The following ATG10 variants were observed in gnomAD, a reference collection of about 807,000 sequenced individuals.
ATG10 encodes the protein ubiquitin-like-conjugating enzyme ATG10.
Under a neutral mutation model 32.1 loss-of-function variants are expected in ATG10, and 30 were observed. The ratio of observed to expected loss-of-function variants is 0.94; its 90% CI spans 0.70 to 1.27. ATG10 has a LOEUF of 1.27. Among genes scored for constraint, ATG10 ranks in the 50% most tolerant of loss-of-function variants. The pLI, the probability that ATG10 is intolerant of heterozygous loss-of-function variation, is 0.00. For synonymous variants in ATG10, 87 were observed against 91.5 expected (o/e 0.95, Z 0.28); for missense variants, 233 against 262.3 (o/e 0.89, Z 0.77).
intron 3 of ATG10, among the ~76,000 whole-genome samples, chr5:82,090,456 A>G (rs538838088): frequency 1.3e-5 from 2 of 152,350 alleles, no homozygotes; most frequent in East Asian, 3.9e-4. Flanking sequence ...TCATACTGCA[A>G]TTTGAATCAA....
intron 2 of ATG10, among the ~76,000 whole-genome samples, chr5:82,053,668 A>G (rs529145001): frequency 2.0e-5 from 3 of 152,248 alleles, no homozygotes; most frequent in East Asian, 1.9e-4. Flanking sequence ...TATTCTCTTT[A>G]TAATGAAAGT....
At chr5:81,993,364 T>C (rs1046686806) in intron 2 of ATG10, among the ~76,000 whole-genome samples, 30 of 34,148 alleles carry the variant, frequency 8.8e-4, no homozygotes, top group Non-Finnish European at 1.3e-3. Context: ...TCTTTCCTTC[T>C]TTTCTTTTCT....
At chr5:82,060,680 A>G (rs1763738123) in intron 3 of ATG10, among the ~76,000 whole-genome samples, 1 of 152,134 alleles carries the variant, frequency 6.6e-6, no homozygotes, top group African/African-American at 2.4e-5. Context: ...CCTGGTCAAC[A>G]TGGTGAAACC....
intron 5 of ATG10, among the ~76,000 whole-genome samples, chr5:82,220,514 G>A (rs1043219899): frequency 1.3e-4 from 20 of 151,850 alleles, no homozygotes; most frequent in Non-Finnish European, 2.2e-4. Context: ...TGCCTGCCTC[G>A]GCCTCCCAAA....
At chr5:82,195,052 T>G (rs1744799895) in intron 5 of ATG10, among the ~76,000 whole-genome samples, 1 of 152,192 alleles carries the variant, frequency 6.6e-6, no homozygotes, top group African/African-American at 2.4e-5. Context: ...TTCACTCTTG[T>G]CTCATTGTTG....
intron 2 of ATG10, among the ~76,000 whole-genome samples, chr5:82,012,372 A>G (rs901996404): frequency 8.5e-5 from 13 of 152,314 alleles, no homozygotes; most frequent in African/African-American, 3.1e-4. Flanking sequence ...TTTTCTAAAA[A>G]CTAGCTCATT....
intron 2 of ATG10, among the ~76,000 whole-genome samples, chr5:82,030,742 T>A (rs761837365): frequency 2.6e-5 from 4 of 152,222 alleles, no homozygotes; most frequent in Admixed American, 6.5e-5. Flanking sequence ...AATTACCAAC[T>A]AAATTCTATA....
At chr5:82,180,594 CTG>C (rs983128278) in intron 5 of ATG10, among the ~76,000 whole-genome samples, 1 of 152,080 alleles carries the variant, frequency 6.6e-6, no homozygotes, top group African/African-American at 2.4e-5. Context: ...TGGCCACAAA[CTG>C]TACAAAAATT....
chr5:82,177,854 A>G (rs985708072), intron 4 of ATG10, among the ~76,000 whole-genome samples: 1 of 151,290 alleles, frequency 6.6e-6, no homozygotes, highest in African/African-American at 2.4e-5. Context: ...CCCTTTCTCC[A>G]CCTGCCATAG....
At chr5:82,101,370 C>T (rs115288664) in intron 3 of ATG10, among the ~76,000 whole-genome samples, 4,164 of 152,206 alleles carry the variant, frequency 0.027, 106 homozygotes, top group Non-Finnish European at 0.033. Flanking sequence ...GAAGGGCACG[C>T]CTTCTCTTTT....
Position 82,034,403 on chromosome 5 carries a change from C to A in ATG10, c.109-24092C>A, listed in dbSNP as rs543943249. Among the ~76,000 whole-genome samples the A allele has an allele frequency of 2.2e-3, 340 of 152,320 alleles. 1 individual carries two copies. Among genetic ancestry groups the A allele is most frequent in the Non-Finnish European group, 3.1e-3 (210 of 68,030 alleles). ...CATACTCGACCACTTTTAACACCTTCATTGTACCACCTTAGCGCAGGCTGT... is the reference window on the plus strand; with the variant it reads ...CATACTCGACCACTTTTAACACCTTAATTGTACCACCTTAGCGCAGGCTGT... On this transcript the variant is annotated intron_variant, in intron 2 of 7. Transcript: ENST00000282185.
chr5:82,242,702 A>G, intron 5 of ATG10: 1 of 336,258 alleles, frequency 3.0e-6, no homozygotes, highest in Non-Finnish European at 5.8e-6. Flanking sequence ...AAAAAAAATC[A>G]TTGTAACCTA....
chr5:81,976,232 A>G (rs888546102), intron 1 of ATG10: 6 of 150,882 alleles, frequency 4.0e-5, no homozygotes, highest in African/African-American at 1.2e-4. Flanking sequence ...GATGGTCTCG[A>G]TCTCCTGACC....
At position 82,077,424 on chromosome 5, in the gene ATG10, T is replaced by C. The variant is rs554213218; in HGVS notation, c.216+18822T>C. On this transcript the variant is annotated intron_variant, in intron 3 of 7. Transcript: ENST00000282185. The stretch of plus-strand genomic sequence containing the variant: ...TTTATAGAGATTTTGAGCAGAATCA[T>C]GAATAAATGAGAGAAACTAGCATTT... 4.6e-5 allele frequency among the ~76,000 whole-genome samples: 7 copies of C among 152,330 alleles called. No homozygotes were observed. The South Asian group carries it at 1.4e-3, about 32-fold the overall frequency.
rs149069399 is a variant in ATG10, at chr5:82,247,782, G to T, written c.454-4780G>T. Among the ~76,000 whole-genome samples, 237 of 152,190 alleles carry T rather than the reference G, an allele frequency of 1.6e-3. 3 individuals carry two copies. The highest frequency in any genetic ancestry group is 0.014 in the Admixed American group (218 of 15,288). Reference sequence around the variant, plus strand: ...TGGATTCCAATATTTTTTCCTGAGGGTTGTCTTTTTCTTGTTGTTGCTGTT... The same window carrying T: ...TGGATTCCAATATTTTTTCCTGAGGTTTGTCTTTTTCTTGTTGTTGCTGTT... On this transcript the variant is annotated intron_variant, in intron 5 of 7. Transcript: ENST00000282185.
At chr5:82,194,601 A>C (rs1744783059) in intron 5 of ATG10, among the ~76,000 whole-genome samples, 1 of 152,214 alleles carries the variant, frequency 6.6e-6, no homozygotes, top group African/African-American at 2.4e-5. Flanking sequence ...GGCCAGGCCT[A>C]CCTTTTCATC....
At chr5:82,186,780 C>G (rs947243058) in intron 5 of ATG10, among the ~76,000 whole-genome samples, 1 of 152,048 alleles carries the variant, frequency 6.6e-6, no homozygotes, top group South Asian at 2.1e-4. Flanking sequence ...AAAGGTTTCT[C>G]CCCATTAGCT....
At chr5:82,014,443 A>G (rs1438607771) in intron 2 of ATG10, among the ~76,000 whole-genome samples, 1 of 152,072 alleles carries the variant, frequency 6.6e-6, no homozygotes, top group African/African-American at 2.4e-5. Flanking sequence ...AAAGTCTCCC[A>G]TTATTATTGT....
intron 2 of ATG10, among the ~76,000 whole-genome samples, chr5:81,998,243 T>C (rs567805700): frequency 2.6e-5 from 4 of 152,320 alleles, no homozygotes; most frequent in Admixed American, 2.6e-4. Context: ...TCAGCATTTT[T>C]GAAGAAAAGA....
Sources: gnomAD v4.1 joint callset for allele counts (sites outside exome capture counted in the v4.1 genomes callset) on GRCh38, gnomAD v4.1.1 for gene constraint, MANE v1.5 for transcripts, NCBI Gene and HGNC (gene_info 2026-07-23, HGNC 2026-07-21) for gene names.